ASXL2: variants seen among roughly 807,000 people sequenced by gnomAD.
The protein encoded by ASXL2 is putative Polycomb group protein ASXL2.
ASXL2 carries 23 observed loss-of-function variants against 122.0 expected under a neutral mutation model. The observed-to-expected ratio is 0.19, with a 90% CI of 0.14 to 0.27. ASXL2 has a LOEUF of 0.27. Among genes scored for constraint, ASXL2 ranks in the 10% least tolerant of loss-of-function variants. The probability of loss-of-function intolerance (pLI) is 1.00; values close to 1 mark genes in which losing one functional copy is unlikely to be tolerated. For missense variants in ASXL2, 1,518 were observed against 1,713.8 expected, an observed-to-expected ratio of 0.89 and a Z score of 2.02; for synonymous variants, 650 against 637.0, an observed-to-expected ratio of 1.02 and a Z score of -0.31.
At chr2:25,783,238 T>C (rs936563450) in intron 5 of ASXL2, among the ~76,000 whole-genome samples, 1 of 152,204 alleles carries the variant, frequency 6.6e-6, no homozygotes, top group East Asian at 1.9e-4. Context: ...TCTACTTCTA[T>C]GAAACTCTAT....
At chr2:25,762,503 T>C (rs573521967) in intron 8 of ASXL2, among the ~76,000 whole-genome samples, 90 of 150,938 alleles carry the variant, frequency 6.0e-4, no homozygotes, top group African/African-American at 2.1e-3. Flanking sequence ...CCATTTCTAC[T>C]AAAAGTAAAA....
At chr2:25,793,588 T>C (rs1052842878) in intron 5 of ASXL2, among the ~76,000 whole-genome samples, 13 of 152,306 alleles carry the variant, frequency 8.5e-5, no homozygotes, top group South Asian at 2.1e-4. Context: ...GGTAACAAAA[T>C]TGAAACTTAA....
At chr2:25,822,600 ATAATTT>A (rs1388468083) in intron 3 of ASXL2, 12 of 531,320 alleles carry the variant, frequency 2.3e-5, no homozygotes, top group Non-Finnish European at 4.3e-5. Context: ...AGAGGAAGTG[ATAATTT>A]TAAGTATTTA....
intron 12 of ASXL2, among the ~76,000 whole-genome samples, chr2:25,748,015 A>G (rs2087970946): frequency 6.6e-6 from 1 of 151,794 alleles, no homozygotes; most frequent in Admixed American, 6.6e-5. Context: ...AATTATTTGT[A>G]AACATACAAA....
At chr2:25,751,143 A>G (rs2088037457) in intron 11 of ASXL2, among the ~76,000 whole-genome samples, 1 of 152,206 alleles carries the variant, frequency 6.6e-6, no homozygotes, top group Non-Finnish European at 1.5e-5. Flanking sequence ...GACTCTTCTT[A>G]ATGTTTTAGA....
chr2:25,817,952 G>A (rs2089257850), intron 3 of ASXL2, among the ~76,000 whole-genome samples: 1 of 152,162 alleles, frequency 6.6e-6, no homozygotes, highest in Admixed American at 6.5e-5. Context: ...AGTATATTTA[G>A]ATCATATCAC....
At chr2:25,786,582 G>C (rs2088751396) in intron 5 of ASXL2, among the ~76,000 whole-genome samples, 1 of 152,000 alleles carries the variant, frequency 6.6e-6, no homozygotes, top group Non-Finnish European at 1.5e-5. Context: ...GCTGGGTATT[G>C]GTGGCTCACG....
At chr2:25,822,939 G>C in intron 3 of ASXL2, 1 of 529,094 alleles carries the variant, frequency 1.9e-6, no homozygotes, top group South Asian at 1.4e-5. Flanking sequence ...AAAAATGCCA[G>C]ATCGGGAGTA....
intron 3 of ASXL2, among the ~76,000 whole-genome samples, chr2:25,813,054 G>C (rs187225937): frequency 6.6e-6 from 1 of 152,178 alleles, no homozygotes; most frequent in Non-Finnish European, 1.5e-5. Context: ...CTTTAAAAAG[G>C]ACATAAAACC....
In ASXL2 at chr2:25,873,121, G is replaced by A. The variant is rs147889213; in HGVS notation, c.57+5045C>T. 1.9e-4 allele frequency among the ~76,000 whole-genome samples: 29 copies of A among 151,364 alleles called. No homozygotes were observed. In the East Asian group the frequency reaches 5.7e-3, roughly 30 times the overall value. The stretch of plus-strand genomic sequence containing the variant: ...CCTTTCCCCACCCAGAGTCCCCAAA[G>A]TCCATTCCATTGTTCTTATTCCTTT... On this transcript the variant is annotated intron_variant, in intron 1 of 12. Transcript: ENST00000435504.
intron 2 of ASXL2, among the ~76,000 whole-genome samples, chr2:25,836,558 T>A (rs905802767): frequency 1.1e-4 from 17 of 152,202 alleles, no homozygotes; most frequent in African/African-American, 4.1e-4. Context: ...AAATACTGTA[T>A]GAAAGAGATT....
chr2:25,806,726 G>A (rs2089088459), intron 3 of ASXL2, among the ~76,000 whole-genome samples: 1 of 152,146 alleles, frequency 6.6e-6, no homozygotes, highest in Non-Finnish European at 1.5e-5. Flanking sequence ...ATTGTATACT[G>A]CTGCACCAGA....
Position 25,799,434 on chromosome 2 carries a change from A to ACTG in ASXL2, c.351_353dup (p.Ser118dup), listed in dbSNP as rs750598660. 6 of 1,609,712 alleles carry ACTG rather than the reference A, an allele frequency of 3.7e-6. No homozygotes were observed. The highest frequency in any genetic ancestry group is 1.7e-4 in the Middle Eastern group (1 of 6,046). On this transcript the variant is annotated inframe_insertion, in exon 5 of 13. Transcript: ENST00000435504. ...TTCCCTCCTTGTTGCTGCCACCATC[A>ACTG]CTGCTGCTGCTGCTGTTCTCAGAAC... is the stretch of plus-strand genomic sequence containing the variant.
chr2:25,825,642 T>C (rs2089366585), intron 3 of ASXL2, among the ~76,000 whole-genome samples: 1 of 152,202 alleles, frequency 6.6e-6, no homozygotes, highest in African/African-American at 2.4e-5. Flanking sequence ...AGCTGAATAT[T>C]CCATTGAATA....
intron 2 of ASXL2, among the ~76,000 whole-genome samples, chr2:25,837,627 G>T (rs1488765676): frequency 6.6e-6 from 1 of 151,686 alleles, no homozygotes; most frequent in Non-Finnish European, 1.5e-5. Context: ...CAAGGTGGGA[G>T]GATCCCTTAA....
intron 5 of ASXL2, among the ~76,000 whole-genome samples, chr2:25,776,734 C>T (rs181700319): frequency 1.1e-4 from 16 of 152,258 alleles, no homozygotes; most frequent in Admixed American, 7.2e-4. Flanking sequence ...TTAATATTTT[C>T]TTAACAACGT....
chr2:25,764,392 A>G (rs1288708569), intron 8 of ASXL2, among the ~76,000 whole-genome samples: 2 of 152,214 alleles, frequency 1.3e-5, no homozygotes, highest in Non-Finnish European at 2.9e-5. Context: ...GTTGTGGGCC[A>G]CACATAAAAT....
chr2:25,741,268 C>T lies in ASXL2; in HGVS notation c.*761G>A, dbSNP rs2087822004. On this transcript the variant is annotated 3_prime_UTR_variant, in exon 13 of 13. Coordinates refer to ENST00000435504, the MANE Select transcript of ASXL2 (RefSeq NM_018263.6). ...CACAGGGGGTCCCAGAGAGGCACTC[C>T]CTTCACGGACTACATTCACTGTCTC... 4.4e-6 allele frequency: 1 copy of T among 225,236 alleles called. No individual in the cohort carries two copies. The highest frequency in any genetic ancestry group is 2.2e-5 in the African/African-American group (1 of 44,844). 14.0% of individuals were successfully genotyped at this position (225,236 alleles called of 1,614,324 possible).
rs17392059 is a variant in ASXL2, at chr2:25,739,455, T to C, written c.*2574A>G. ...CTCTGTGTTGAAACCAACTGATAAA[T>C]AGACTGGTATTCAAGTTACTACCCA... is the stretch of plus-strand genomic sequence containing the variant. On this transcript the variant is annotated 3_prime_UTR_variant, in exon 13 of 13. Coordinates refer to ENST00000435504, the MANE Select transcript of ASXL2 (RefSeq NM_018263.6). 0.039 allele frequency: 7,155 copies of C among 182,766 alleles called. 194 individuals are homozygous for C. Among genetic ancestry groups the C allele is most frequent in the Middle Eastern group, 0.087 (42 of 482 alleles). The allele number at this position is 182,766 out of a possible 1,614,324, so 11.3% of individuals were successfully genotyped here.
Sources: gnomAD v4.1 joint callset for allele counts (sites outside exome capture counted in the v4.1 genomes callset) on GRCh38, gnomAD v4.1.1 for gene constraint, MANE v1.5 for transcripts, NCBI Gene and HGNC (gene_info 2026-07-23, HGNC 2026-07-21) for gene names.